The following ELMO1 variants were observed in gnomAD, a reference collection of about 807,000 sequenced individuals.
The protein encoded by ELMO1 is engulfment and cell motility protein 1.
A neutral mutation model predicts 98.9 loss-of-function variants in ELMO1; 26 were observed. The observed-to-expected ratio is 0.26, with a 90% CI of 0.19 to 0.36. ELMO1 has a LOEUF of 0.36. Among genes scored for constraint, ELMO1 ranks in the 10% least tolerant of loss-of-function variants. The probability of loss-of-function intolerance (pLI) is 1.00; values close to 1 mark genes in which losing one functional copy is unlikely to be tolerated. For synonymous variants in ELMO1, 346 were observed against 346.0 expected, an observed-to-expected ratio of 1.00 and a Z score of 0.00; for missense variants, 627 against 935.2, an observed-to-expected ratio of 0.67 and a Z score of 4.30.
intron 13 of ELMO1, among the ~76,000 whole-genome samples, chr7:37,191,188 C>CAA (rs70975003): frequency 0.013 from 1,213 of 93,708 alleles, 52 homozygotes; most frequent in East Asian, 0.09. Context: ...GACTCTGTCT[C>CAA]AAAAAAAAAA....
rs73689671 is a variant in ELMO1, at chr7:36,883,770, T to C, written c.1714+3790A>G. Among the ~76,000 whole-genome samples, 435 of 152,310 alleles carry C rather than the reference T, an allele frequency of 2.9e-3. 2 individuals carry two copies. Among genetic ancestry groups the C allele is most frequent in the African/African-American group, 9.7e-3 (404 of 41,562 alleles). On this transcript the variant is annotated intron_variant, in intron 18 of 21. Coordinates refer to ENST00000310758, the MANE Select transcript of ELMO1 (RefSeq NM_014800.11). ...GAACCAATTAAACCTCTTTTCTTTA[T>C]AAATTAGTCAGTCTTAGGCATTTCT...
At chr7:36,946,967 TG>T (rs1787544065) in intron 16 of ELMO1, among the ~76,000 whole-genome samples, 1 of 152,260 alleles carries the variant, frequency 6.6e-6, no homozygotes, top group South Asian at 2.1e-4. Context: ...TTTATCTTTT[TG>T]TTATTTTTTA....
chr7:36,908,692 C>T (rs1312476143), intron 16 of ELMO1, among the ~76,000 whole-genome samples: 1 of 152,056 alleles, frequency 6.6e-6, no homozygotes, highest in Non-Finnish European at 1.5e-5. Context: ...TTAAGAAGAG[C>T]GTACATCTTA....
intron 4 of ELMO1, among the ~76,000 whole-genome samples, chr7:37,293,619 A>G (rs1277860162): frequency 4.7e-5 from 5 of 106,350 alleles, no homozygotes; most frequent in African/African-American, 1.5e-4. Context: ...AAAACCAGAG[A>G]CCTTTGTTCA....
intron 13 of ELMO1, among the ~76,000 whole-genome samples, chr7:37,188,487 TA>T (rs869157346): frequency 0.081 from 2,594 of 32,028 alleles, 149 homozygotes; most frequent in African/African-American, 0.19. Context: ...TGGAGAAAGG[TA>T]AAAAAAAAAA....
At chr7:37,094,443 C>T (rs1784272147) in intron 15 of ELMO1, among the ~76,000 whole-genome samples, 1 of 152,210 alleles carries the variant, frequency 6.6e-6, no homozygotes, top group African/African-American at 2.4e-5. Flanking sequence ...GAGGGCTACT[C>T]TACACCTGCC....
At position 36,875,394 on chromosome 7, in the gene ELMO1, T is replaced by A. The variant is rs189049815; in HGVS notation, c.1822+2616A>T. 2.7e-3 allele frequency among the ~76,000 whole-genome samples: 418 copies of A among 152,216 alleles called. 5 individuals are homozygous for A. The highest frequency in any genetic ancestry group is 9.1e-3 in the African/African-American group (380 of 41,540). On this transcript the variant is annotated intron_variant, in intron 19 of 21. Coordinates refer to ENST00000310758, the MANE Select transcript of ELMO1 (RefSeq NM_014800.11). The stretch of plus-strand genomic sequence containing the variant: ...CACACACACTCTCTTTCTCTCTCTC[T>A]CACACACACACTCTCCCACAAGGTG...
intron 6 of ELMO1, among the ~76,000 whole-genome samples, chr7:37,255,781 A>G (rs998561570): frequency 6.6e-6 from 1 of 152,148 alleles, no homozygotes; most frequent in African/African-American, 2.4e-5. Flanking sequence ...GCTCTGATGC[A>G]TTGTCCTTGA....
intron 1 of ELMO1, among the ~76,000 whole-genome samples, chr7:37,359,502 T>G (rs1054206561): frequency 1.3e-5 from 2 of 152,182 alleles, no homozygotes; most frequent in African/African-American, 4.8e-5. Flanking sequence ...CTGTGCCAGG[T>G]ACCCTATTAA....
intron 13 of ELMO1, among the ~76,000 whole-genome samples, chr7:37,157,854 C>A (rs1374217480): frequency 6.6e-6 from 1 of 152,076 alleles, no homozygotes; most frequent in Non-Finnish European, 1.5e-5. Context: ...CAAGTCAATC[C>A]TAAGCCAAAA....
At chr7:36,878,629 G>T (rs1320320095) in intron 18 of ELMO1, among the ~76,000 whole-genome samples, 1 of 152,174 alleles carries the variant, frequency 6.6e-6, no homozygotes, top group Non-Finnish European at 1.5e-5. Flanking sequence ...TGAACGAATT[G>T]TTAGGACACT....
At chr7:37,066,637 G>A (rs952055696) in intron 15 of ELMO1, among the ~76,000 whole-genome samples, 5 of 152,154 alleles carry the variant, frequency 3.3e-5, no homozygotes, top group African/African-American at 7.2e-5. Flanking sequence ...GGAGGATATC[G>A]AATGTTCCCA....
chr7:37,404,928 T>C (rs139452810), intron 1 of ELMO1, among the ~76,000 whole-genome samples: 53 of 152,306 alleles, frequency 3.5e-4, no homozygotes, highest in African/African-American at 1.2e-3. Context: ...CATTTTTAAT[T>C]TTTTTCTGAA....
At chr7:37,098,374 C>CTGT (rs1784469395) in intron 14 of ELMO1, among the ~76,000 whole-genome samples, 1 of 152,152 alleles carries the variant, frequency 6.6e-6, no homozygotes, top group Non-Finnish European at 1.5e-5. Context: ...CAGTTTATCG[C>CTGT]AAGTGCTATG....
chr7:37,316,917 A>T (rs979243118), intron 2 of ELMO1, among the ~76,000 whole-genome samples: 1 of 6,860 alleles, frequency 1.5e-4, no homozygotes, highest in African/African-American at 6.6e-4. Context: ...TGAATCCAAT[A>T]GATCAGTTCA....
At chr7:37,229,023 G>A (rs528259552) in intron 8 of ELMO1, among the ~76,000 whole-genome samples, 1 of 152,150 alleles carries the variant, frequency 6.6e-6, no homozygotes, top group African/African-American at 2.4e-5. Flanking sequence ...ACCAGCCATG[G>A]AGAACATGAA....
rs764889756 is a variant in ELMO1 at position 37,188,501 on chromosome 7, A to AAAAAAAAAAT, written c.1086+22884_1086+22885insATTTTTTTTT. Among the ~76,000 whole-genome samples the AAAAAAAAAAT allele has an allele frequency of 1.7e-3, 210 of 125,936 alleles. 4 individuals carry two copies. The highest frequency in any genetic ancestry group is 2.6e-3 in the Non-Finnish European group (160 of 61,436). 82.6% of individuals were successfully genotyped at this position (125,936 alleles called of 152,430 possible). On this transcript the variant is annotated intron_variant, in intron 13 of 21. Transcript: ENST00000310758. ...CTGGAGAAAGGTAAAAAAAAAAAAAAAATAATAATAATAATAATAATAATA... is the reference window on the plus strand; with the variant it reads ...CTGGAGAAAGGTAAAAAAAAAAAAAAAAAAAAAAATAATAATAATAATAATAATAATAATA...
chr7:36,939,845 T>C (rs1786874214), intron 16 of ELMO1, among the ~76,000 whole-genome samples: 1 of 152,264 alleles, frequency 6.6e-6, no homozygotes, highest in Non-Finnish European at 1.5e-5. Flanking sequence ...GAGTGGCATC[T>C]GACCCACAAT....
chr7:36,897,678 G>A (rs534612658), intron 16 of ELMO1, among the ~76,000 whole-genome samples: 1 of 152,300 alleles, frequency 6.6e-6, no homozygotes, highest in South Asian at 2.1e-4. Flanking sequence ...AAATCATGAT[G>A]ATCCCTTATG....
Sources: gnomAD v4.1 joint callset for allele counts (sites outside exome capture counted in the v4.1 genomes callset) on GRCh38, gnomAD v4.1.1 for gene constraint, MANE v1.5 for transcripts, NCBI Gene and HGNC (gene_info 2026-07-23, HGNC 2026-07-21) for gene names.